NBPF19: variants seen among roughly 807,000 people sequenced by gnomAD.
The protein encoded by NBPF19 is NBPF family member NBPF19.
A neutral mutation model predicts 45.9 loss-of-function variants in NBPF19; 30 were observed. The ratio of observed to expected loss-of-function variants is 0.65; its 90% CI spans 0.49 to 0.89. The LOEUF is 0.89. Among genes scored for constraint, NBPF19 ranks in the 40% least tolerant of loss-of-function variants. The probability of loss-of-function intolerance (pLI) is 0.00; values close to 1 mark genes in which losing one functional copy is unlikely to be tolerated. For synonymous variants in NBPF19, 183 were observed against 181.2 expected (o/e 1.01, Z -0.08); for missense variants, 495 against 471.8 (o/e 1.05, Z -0.46).
At chr1:149,477,505 A>G (rs2084914474) in intron 2 of NBPF19, among the ~76,000 whole-genome samples, 1 of 151,274 alleles carries the variant, frequency 6.6e-6, no homozygotes, top group African/African-American at 2.4e-5. Flanking sequence ...AGTCCTTGAC[A>G]TATTTGTCCT....
In NBPF19 at chr1:149,490,907, T is replaced by TGTGTGTGTGTGTGC. The variant is rs1302005648; in HGVS notation, c.1491-218_1491-205dup. 1.4e-4 allele frequency among the ~76,000 whole-genome samples: 19 copies of TGTGTGTGTGTGTGC among 132,516 alleles called. 1 individual carries two copies. The highest frequency in any genetic ancestry group is 5.7e-4 in the African/African-American group (19 of 33,396). The allele number at this position is 132,516 out of a possible 152,430, so 86.9% of individuals were successfully genotyped here. A position where few individuals can be genotyped will look rare whatever the true frequency, so the allele number is the denominator to read the frequency against. ...TTCTCTCTCTCTCTCTCTGTGTGTG[T>TGTGTGTGTGTGTGC]GTGTGTGTGTGTGCGTGTGTGTGTG... On this transcript the variant is annotated intron_variant, in intron 13 of 93. Transcript: ENST00000651566.
rs1320784316 is a variant in NBPF19, at chr1:149,475,190, A to T, written c.-641A>T. Among the ~76,000 whole-genome samples, 136 of 149,740 alleles carry T rather than the reference A, an allele frequency of 9.1e-4. 1 individual carries two copies. Among genetic ancestry groups the T allele is most frequent in the South Asian group, 3.7e-3 (17 of 4,624 alleles). On this transcript the variant is annotated 5_prime_UTR_variant, in exon 1 of 94. It removes the in-frame stop codon of an upstream open reading frame in the 5' UTR. Transcript: ENST00000651566. ...ACTGAGACAGGAAAGAAAATATTTT[A>T]AAAAAATGAATTATTCATTCACTTT...
chr1:149,528,945 C>CG (rs2086911443), intron 61 of NBPF19, among the ~76,000 whole-genome samples: 1 of 109,072 alleles, frequency 9.2e-6, no homozygotes, highest in African/African-American at 3.7e-5. Context: ...TTCTCTCTCT[C>CG]TGTGTGTGTG....
At chr1:149,477,648 C>T (rs1410294187) in intron 2 of NBPF19, among the ~76,000 whole-genome samples, 5 of 151,316 alleles carry the variant, frequency 3.3e-5, no homozygotes, top group African/African-American at 9.7e-5. Flanking sequence ...AAAGTGGCCC[C>T]GCATTCAGAG....
Position 149,488,007 on chromosome 1 carries a change from T to G in NBPF19, c.1041-6T>G, listed in dbSNP as rs1248266513. 1 of 688,448 alleles carries G rather than the reference T, an allele frequency of 1.5e-6. No homozygotes were observed. Among genetic ancestry groups the G allele is most frequent in the Non-Finnish European group, 2.7e-6 (1 of 375,088 alleles). 42.6% of individuals were successfully genotyped at this position (688,448 alleles called of 1,614,324 possible). A position where few individuals can be genotyped will look rare whatever the true frequency, so the allele number is the denominator to read the frequency against. ...GCTTATTCTTTACTTTTTCCCACTT[T>G]TCCAGGCTCAGCAGGGAGCTGCTGG... On this transcript the variant is annotated splice_region_variant and splice_polypyrimidine_tract_variant and intron_variant, in intron 9 of 93. Coordinates refer to ENST00000651566, the MANE Select transcript of NBPF19 (RefSeq NM_001351365.2).
At chr1:149,487,894 C>T (rs1282558235) in intron 9 of NBPF19, 119 bp from the exon 10 acceptor site, 35,666 of 681,506 alleles carry the variant, frequency 0.052, 3,939 homozygotes, top group East Asian at 0.24. Context: ...TGTTACCTCA[C>T]TAATGGATCT....
chr1:149,555,076 G>T lies in NBPF19; in HGVS notation c.*338G>T. On this transcript the variant is annotated 3_prime_UTR_variant, in exon 94 of 94. Transcript: ENST00000651566. ...TCTCTGAGCTTCTATACCTGCTCAA[G>T]GTCAGTGTCATCTTTGTGTTTAGCT... 3 of 373,324 alleles carry T rather than the reference G, an allele frequency of 8.0e-6. No individual in the cohort carries two copies. The highest frequency in any genetic ancestry group is 1.5e-5 in the Non-Finnish European group (3 of 200,154). The allele number at this position is 373,324 out of a possible 1,614,324, so 23.1% of individuals were successfully genotyped here. A position where few individuals can be genotyped will look rare whatever the true frequency, so the allele number is the denominator to read the frequency against.
chr1:149,528,945 CTGTGTGTGTGTG>C (rs1182341067), intron 61 of NBPF19, among the ~76,000 whole-genome samples: 1 of 108,982 alleles, frequency 9.2e-6, no homozygotes, highest in South Asian at 3.3e-4. Flanking sequence ...TTCTCTCTCT[CTGTGTGTGTGTG>C]TGTGTGTGTG....
In NBPF19 at chr1:149,556,104, C is replaced by T. The variant is rs1180037493; in HGVS notation, c.*1366C>T. On this transcript the variant is annotated 3_prime_UTR_variant, in exon 94 of 94. Transcript: ENST00000651566. Reference sequence around the variant, plus strand: ...CCTGTGTCTATTATTATATTCATATCTCTACGCTGCAAAATTTGGGTCTCA... The same window carrying T: ...CCTGTGTCTATTATTATATTCATATTTCTACGCTGCAAAATTTGGGTCTCA... The T allele has an allele frequency of 6.8e-6, 1 of 147,662 alleles. No individual in the cohort carries two copies. Among genetic ancestry groups the T allele is most frequent in the African/African-American group, 2.5e-5 (1 of 39,998 alleles). 9.1% of individuals were successfully genotyped at this position (147,662 alleles called of 1,614,324 possible).
chr1:149,488,523 C>T (rs1322373673), intron 10 of NBPF19, among the ~76,000 whole-genome samples: 2 of 100,224 alleles, frequency 2.0e-5, no homozygotes, highest in Non-Finnish European at 3.9e-5. Context: ...CTAATTTCAG[C>T]GTCTAAAATC....
intron 7 of NBPF19, among the ~76,000 whole-genome samples, chr1:149,483,094 TTCTG>T (rs1433259482): frequency 6.8e-6 from 1 of 147,644 alleles, no homozygotes; most frequent in Non-Finnish European, 1.5e-5. Flanking sequence ...CTTGTTAAGC[TTCTG>T]TCTCATTGAT....
chr1:149,487,716 A>G (rs1277123909), intron 9 of NBPF19, among the ~76,000 whole-genome samples: 1 of 150,258 alleles, frequency 6.7e-6, no homozygotes, highest in East Asian at 2.0e-4. Context: ...GAGCACAAAT[A>G]CAGAGTGTCC....
At chr1:149,487,600 C>T (rs1255034816) in intron 9 of NBPF19, among the ~76,000 whole-genome samples, 2 of 150,656 alleles carry the variant, frequency 1.3e-5, no homozygotes. Context: ...GTTGACCATA[C>T]CTCAAAAGCT....
At chr1:149,486,387 T>A in intron 8 of NBPF19, 94 bp downstream of exon 8, 1 of 659,884 alleles carries the variant, frequency 1.5e-6, no homozygotes, top group Non-Finnish European at 2.8e-6. Flanking sequence ...TGGGCTGAGA[T>A]TTGCCATCAC....
rs1315431921 is a variant in NBPF19, at chr1:149,490,929, T to C, written c.1491-210T>C. 1.2e-4 allele frequency among the ~76,000 whole-genome samples: 16 copies of C among 136,368 alleles called. 1 individual carries two copies. Among genetic ancestry groups the C allele is most frequent in the African/African-American group, 3.2e-4 (11 of 34,504 alleles). 89.5% of individuals were successfully genotyped at this position (136,368 alleles called of 152,430 possible). On this transcript the variant is annotated intron_variant, in intron 13 of 93. Coordinates refer to ENST00000651566, the MANE Select transcript of NBPF19 (RefSeq NM_001351365.2). ...GTGTGTGTGTGTGTGTGCGTGTGTG[T>C]GTGTGTGTGTGTGTGTCCATCTGTC...
chr1:149,487,769 C>A (rs1227422854), intron 9 of NBPF19, among the ~76,000 whole-genome samples: 1 of 140,412 alleles, frequency 7.1e-6, no homozygotes, highest in Non-Finnish European at 1.5e-5. Context: ...ATTGACTGAG[C>A]TCGCTCTGTG....
chr1:149,477,866 C>T, intron 2 of NBPF19, 79 bp from the exon 3 acceptor site: 1 of 789,666 alleles, frequency 1.3e-6, no homozygotes, highest in Non-Finnish European at 2.2e-6. Context: ...TGGGATGGAC[C>T]TGGCTCCTGC....
chr1:149,487,918 T>C lies in NBPF19; in HGVS notation c.1041-95T>C, dbSNP rs2085707530. On this transcript the variant is annotated intron_variant, in intron 9 of 93. Coordinates refer to ENST00000651566, the MANE Select transcript of NBPF19 (RefSeq NM_001351365.2). ...ACTAATGGATCTCTCCTTTTTCTTT[T>C]CAAACTCTTCCTTATGTTAGCCATG... The C allele has an allele frequency of 1.4e-5, 10 of 738,064 alleles. 1 individual carries two copies. Among genetic ancestry groups the C allele is most frequent in the South Asian group, 1.4e-5 (1 of 69,294 alleles). The allele number at this position is 738,064 out of a possible 1,614,324, so 45.7% of individuals were successfully genotyped here. A position where few individuals can be genotyped will look rare whatever the true frequency, so the allele number is the denominator to read the frequency against.
At chr1:149,491,003 A>C (rs1251270903) in intron 13 of NBPF19, 136 bp from the exon 14 acceptor site, 1 of 519,692 alleles carries the variant, frequency 1.9e-6, no homozygotes, top group African/African-American at 2.6e-5. Context: ...CATGAAGGCA[A>C]TAATTTGTTA....
Sources: allele counts gnomAD v4.1 joint callset (sites outside exome capture counted in the v4.1 genomes callset), GRCh38; gene constraint gnomAD v4.1.1; transcripts MANE v1.5; gene names NCBI Gene and HGNC (gene_info 2026-07-23, HGNC 2026-07-21).